Variants in AMMECR1 observed in about 807,000 individuals in gnomAD.
AMMECR1 encodes the protein AMMECR nuclear protein 1, also known as nuclear protein AMMECR1.
Under a neutral mutation model 22.5 loss-of-function variants are expected in AMMECR1, and 3 were observed. The ratio of observed to expected loss-of-function variants is 0.13; its 90% CI spans 0.06 to 0.35. The LOEUF is 0.35. Ranked by LOEUF, AMMECR1 falls within the 10% of genes least tolerant of loss-of-function variation. The pLI is 1.00. For synonymous variants in AMMECR1, 130 were observed against 116.7 expected, an observed-to-expected ratio of 1.11 and a Z score of -0.74; for missense variants, 235 against 278.7, an observed-to-expected ratio of 0.84 and a Z score of 1.12.
intron 2 of AMMECR1, among the ~76,000 whole-genome samples, chrX:110,260,672 T>C (rs774049280): frequency 9.0e-6 from 1 of 111,648 alleles, no homozygotes; most frequent in Admixed American, 9.5e-5. Flanking sequence ...AGCTAGATCA[T>C]TGTCTTCTAT....
chrX:110,429,881 C>T (rs1185291130), intron 1 of AMMECR1, among the ~76,000 whole-genome samples: 1 of 112,361 alleles, frequency 8.9e-6, no homozygotes, highest in African/African-American at 3.2e-5. Context: ...TTTTATATCA[C>T]CTAATTGCAA....
chrX:110,386,554 G>C (rs1335652736), intron 2 of AMMECR1, among the ~76,000 whole-genome samples: 1 of 111,096 alleles, frequency 9.0e-6, no homozygotes, highest in Non-Finnish European at 1.9e-5. Flanking sequence ...TTACTGAGTT[G>C]TAACAGTTCT....
intron 2 of AMMECR1, among the ~76,000 whole-genome samples, chrX:110,397,955 G>A (rs2068539393): frequency 8.9e-6 from 1 of 112,335 alleles, no homozygotes; most frequent in Admixed American, 9.4e-5. Context: ...TTAAGGAAAA[G>A]GGTGTGGGTG....
intron 1 of AMMECR1, among the ~76,000 whole-genome samples, chrX:110,312,557 G>C (rs953532531): frequency 4.5e-5 from 5 of 112,047 alleles, no homozygotes; most frequent in African/African-American, 9.7e-5. Flanking sequence ...CCATATGGGG[G>C]AGAAAGCAAA....
rs145206893 is a variant in AMMECR1 at position 110,198,591 on chromosome X, C to T, written c.931G>A (p.Ala311Thr). Reference sequence around the variant, plus strand: ...TGGAAATGATGATGCTGGCGATGAGCAAGGTATTCAGCATAGCTCAGGGTC... The same window carrying T: ...TGGAAATGATGATGCTGGCGATGAGTAAGGTATTCAGCATAGCTCAGGGTC... Reference protein sequence around the residue: ...KMTLSYAEYLAHRQHHHFQNG... With the variant: ...KMTLSYAEYLTHRQHHHFQNG... The change falls in exon 6 of 6, where the codon GCT (alanine) becomes ACT (threonine). Residue 311 changes from alanine (A) to threonine (T), a missense_variant. Ala to Thr is a moderately conservative substitution (Grantham distance 58). Coordinates refer to ENST00000262844, the MANE Select transcript of AMMECR1 (RefSeq NM_015365.3). 3.1e-4 allele frequency: 376 copies of T among 1,201,291 alleles called. No individual in the cohort carries two copies. Among genetic ancestry groups the T allele is most frequent in the Non-Finnish European group, 3.9e-4 (348 of 891,047 alleles).
intron 1 of AMMECR1, among the ~76,000 whole-genome samples, chrX:110,429,458 G>GTTTTTTTTTTTTTGTTTTTT (rs2068779291): frequency 1.2e-5 from 1 of 80,932 alleles, no homozygotes; most frequent in African/African-American, 4.5e-5. Flanking sequence ...GAGAAAAAGT[G>GTTTTTTTTTTTTTGTTTTTT]TTTTTTTTTT....
intron 2 of AMMECR1, among the ~76,000 whole-genome samples, chrX:110,406,410 T>C (rs2068602429): frequency 8.9e-6 from 1 of 111,838 alleles, no homozygotes; most frequent in African/African-American, 3.3e-5. Context: ...TCCAGCTTCA[T>C]CCATGTCCCT....
upstream of AMMECR1, among the ~76,000 whole-genome samples, chrX:110,319,291 TA>T (rs1357220963): frequency 3.4e-4 from 38 of 112,577 alleles, no homozygotes; most frequent in Admixed American, 3.5e-3. Context: ...TACACCATGC[TA>T]AAACATCTAG....
At chrX:110,353,975 C>A in intron 2 of AMMECR1, among the ~76,000 whole-genome samples, 1 of 111,963 alleles carries the variant, frequency 8.9e-6, no homozygotes, top group Non-Finnish European at 1.9e-5. Context: ...GGTGAAAGAT[C>A]TGTATAGTAA....
intron 2 of AMMECR1, among the ~76,000 whole-genome samples, chrX:110,418,155 C>T (rs182149560): frequency 6.2e-5 from 7 of 112,643 alleles, no homozygotes; most frequent in East Asian, 2.8e-4. Context: ...TAGGTTCATC[C>T]GGCATGCAGG....
chrX:110,200,807 A>G (rs1165687756), intron 5 of AMMECR1, 147 bp downstream of exon 5: 5 of 437,414 alleles, frequency 1.1e-5, no homozygotes, highest in Admixed American at 3.5e-5. Context: ...GTTCCATTGT[A>G]TCCACCCTCA....
chrX:110,362,406 C>G (rs191040654), intron 2 of AMMECR1, among the ~76,000 whole-genome samples: 1 of 112,193 alleles, frequency 8.9e-6, no homozygotes, highest in African/African-American at 3.2e-5. Flanking sequence ...AATAATAACT[C>G]AAATACTCTG....
In AMMECR1 at chrX:110,325,175, T is replaced by G. The variant is rs148903782; in HGVS notation, c.-147-7326A>C. 1.9e-3 allele frequency among the ~76,000 whole-genome samples: 209 copies of G among 112,060 alleles called. 1 individual carries two copies. The highest frequency in any genetic ancestry group is 3.1e-3 in the Non-Finnish European group (167 of 53,158). On this transcript the variant is annotated intron_variant, in intron 2 of 7. Transcript: ENST00000372057. ...CATTTATTTTTTTAGTTTGAATTTT[T>G]TATGCATTCATAGTGTGTTTATGGA... is the stretch of plus-strand genomic sequence containing the variant.
chrX:110,358,246 G>A (rs1014965756), intron 2 of AMMECR1, among the ~76,000 whole-genome samples: 3 of 111,194 alleles, frequency 2.7e-5, no homozygotes, highest in African/African-American at 9.8e-5. Context: ...AATGCAGAGT[G>A]TTGTCAACTT....
intron 2 of AMMECR1, among the ~76,000 whole-genome samples, chrX:110,404,129 C>T (rs909492084): frequency 1.8e-5 from 2 of 112,483 alleles, no homozygotes; most frequent in African/African-American, 3.2e-5. Context: ...TGCTACCATT[C>T]GTTTATTCTG....
intron 2 of AMMECR1, among the ~76,000 whole-genome samples, chrX:110,385,623 T>A (rs998977608): frequency 8.9e-6 from 1 of 111,813 alleles, no homozygotes; most frequent in Admixed American, 9.5e-5. Context: ...CAATAGGTGG[T>A]CTTCTGTGAC....
chrX:110,303,537 C>T (rs756674288), intron 1 of AMMECR1, among the ~76,000 whole-genome samples: 1 of 112,018 alleles, frequency 8.9e-6, no homozygotes, highest in East Asian at 2.8e-4. Flanking sequence ...TACTAAAAAC[C>T]ACTGGATTCC....
At chrX:110,395,481 T>A (rs1227702562) in intron 2 of AMMECR1, among the ~76,000 whole-genome samples, 1 of 112,011 alleles carries the variant, frequency 8.9e-6, no homozygotes, top group Non-Finnish European at 1.9e-5. Context: ...AATCCTCATG[T>A]AATCCTACAA....
intron 2 of AMMECR1, among the ~76,000 whole-genome samples, chrX:110,417,414 G>A (rs1029567779): frequency 8.9e-6 from 1 of 112,640 alleles, no homozygotes; most frequent in Non-Finnish European, 1.9e-5. Flanking sequence ...GCAAAGATAA[G>A]TAAAATATTG....
Sources: allele counts gnomAD v4.1 joint callset (sites outside exome capture counted in the v4.1 genomes callset), GRCh38; gene constraint gnomAD v4.1.1; transcripts MANE v1.5; gene names NCBI Gene and HGNC (gene_info 2026-07-23, HGNC 2026-07-21).